SLC15A2: variants seen among roughly 807,000 people sequenced by gnomAD.
SLC15A2 encodes kidney H(+)/peptide cotransporter.
Under a neutral mutation model 95.5 loss-of-function variants are expected in SLC15A2, and 77 were observed. That is an observed-to-expected ratio of 0.81 (90% CI 0.67 to 0.97). SLC15A2 has a LOEUF of 0.97. Ranked by LOEUF, SLC15A2 falls within the 50% of genes least tolerant of loss-of-function variation. SLC15A2 has a pLI of 0.00. For synonymous variants in SLC15A2, 306 were observed against 306.9 expected (o/e 1.00, Z 0.03); for missense variants, 893 against 874.4 (o/e 1.02, Z -0.27).
chr3:121,938,367 G>A (rs867727376), intron 19 of SLC15A2, among the ~76,000 whole-genome samples: 307 of 152,296 alleles, frequency 2.0e-3, no homozygotes, highest in Middle Eastern at 6.8e-3. Context: ...CCCCAGCCTC[G>A]CTGCCACCTT....
In SLC15A2 at chr3:121,927,750, C is replaced by T. The variant is rs757539271; in HGVS notation, c.1125-8C>T. 4.4e-6 allele frequency: 7 copies of T among 1,608,442 alleles called. No individual in the cohort carries two copies. Among genetic ancestry groups the T allele is most frequent in the Non-Finnish European group, 4.3e-6 (5 of 1,174,940 alleles). ...TTTAGATATAATTGTTTCTCCTTTC[C>T]ACCACAGATCACTTAGGAAAATGGC... On this transcript the variant is annotated splice_region_variant and splice_polypyrimidine_tract_variant and intron_variant, in intron 13 of 21. Transcript: ENST00000489711.
chr3:121,925,232 G>C (rs991839156), intron 13 of SLC15A2, among the ~76,000 whole-genome samples, 199 bp downstream of exon 13: 1 of 148,560 alleles, frequency 6.7e-6, no homozygotes, highest in Non-Finnish European at 1.5e-5. Flanking sequence ...GAGAGTCAAA[G>C]CCATTACTGT....
At chr3:121,934,443 C>CA (rs1391152118) in intron 19 of SLC15A2, among the ~76,000 whole-genome samples, 2 of 152,042 alleles carry the variant, frequency 1.3e-5, no homozygotes, top group Non-Finnish European at 2.9e-5. Flanking sequence ...TTTCCTTGAG[C>CA]AGTGGATTGT....
At chr3:121,904,362 C>A (rs1366733415) in intron 3 of SLC15A2, among the ~76,000 whole-genome samples, 1 of 152,142 alleles carries the variant, frequency 6.6e-6, no homozygotes, top group Non-Finnish European at 1.5e-5. Context: ...TGCCTAATTG[C>A]CCTGGCCAGA....
chr3:121,934,685 G>A (rs1436144500), intron 19 of SLC15A2, among the ~76,000 whole-genome samples: 1 of 152,166 alleles, frequency 6.6e-6, no homozygotes, highest in Non-Finnish European at 1.5e-5. Flanking sequence ...GGGTTTTCTA[G>A]ATATACAATC....
rs1710414185 is a variant in SLC15A2, at chr3:121,939,304, C to T, written c.1762-45C>T. The T allele has an allele frequency of 9.3e-6, 13 of 1,399,038 alleles. No individual in the cohort carries two copies. The East Asian group carries it at 3.5e-4, about 37-fold the overall frequency. The allele number at this position is 1,399,038 out of a possible 1,614,324, so 86.7% of individuals were successfully genotyped here. A position where few individuals can be genotyped will look rare whatever the true frequency, so the allele number is the denominator to read the frequency against. On this transcript the variant is annotated intron_variant, in intron 19 of 21. Coordinates refer to ENST00000489711, the MANE Select transcript of SLC15A2 (RefSeq NM_021082.4). The stretch of plus-strand genomic sequence containing the variant: ...AGAATGCTGTAGTTAGAAATATTTA[C>T]TTGAGACTACTGACAAGTCCATTTC...
intron 1 of SLC15A2, among the ~76,000 whole-genome samples, chr3:121,895,087 C>T (rs1490717616): frequency 1.3e-5 from 2 of 152,174 alleles, no homozygotes; most frequent in African/African-American, 2.4e-5. Flanking sequence ...TTTATATACT[C>T]GCTAAAGCAC....
In SLC15A2 at chr3:121,924,213, G is replaced by A. The variant is rs920223248; in HGVS notation, c.1003-138G>A. ...CCCAAATAATCTTAACAGCAAAATA[G>A]TGGCCCTGAACCAAAGACCTGATGA... On this transcript the variant is annotated intron_variant, in intron 11 of 21. Transcript: ENST00000489711. 7.2e-6 allele frequency: 5 copies of A among 698,652 alleles called. No individual in the cohort carries two copies. In the African/African-American group the frequency reaches 8.9e-5, roughly 12 times the overall value. 43.3% of individuals were successfully genotyped at this position (698,652 alleles called of 1,614,324 possible). A position where few individuals can be genotyped will look rare whatever the true frequency, so the allele number is the denominator to read the frequency against.
intron 7 of SLC15A2, among the ~76,000 whole-genome samples, chr3:121,917,882 T>G (rs1304995860): frequency 6.6e-6 from 1 of 152,066 alleles, no homozygotes; most frequent in Non-Finnish European, 1.5e-5. Context: ...CATGACATGT[T>G]TAAAGGTTTT....
intron 3 of SLC15A2, among the ~76,000 whole-genome samples, chr3:121,902,745 A>C (rs1709544604): frequency 6.6e-6 from 1 of 152,160 alleles, no homozygotes; most frequent in African/African-American, 2.4e-5. Context: ...ACATTTTCTT[A>C]ATCCAGTCTA....
Position 121,935,528 on chromosome 3 carries a change from C to T in SLC15A2, c.1761+3793C>T, listed in dbSNP as rs1710324397. Reference sequence around the variant, plus strand: ...GTGTCCAGGAATTTATCCATTTCTTCTAGACTTTCTAGTTTATTTGTGTAG... The same window carrying T: ...GTGTCCAGGAATTTATCCATTTCTTTTAGACTTTCTAGTTTATTTGTGTAG... On this transcript the variant is annotated intron_variant, in intron 19 of 21. Coordinates refer to ENST00000489711, the MANE Select transcript of SLC15A2 (RefSeq NM_021082.4). Among the ~76,000 whole-genome samples the T allele has an allele frequency of 3.3e-5, 5 of 152,144 alleles. No homozygotes were observed. The South Asian group carries it at 1.0e-3, about 32-fold the overall frequency.
intron 5 of SLC15A2, 55 bp downstream of exon 5, chr3:121,913,175 G>T (rs993471443): frequency 2.2e-6 from 3 of 1,345,778 alleles, no homozygotes; most frequent in African/African-American, 2.9e-5. Context: ...ATTAATGGGG[G>T]TATCTGGCAG....
chr3:121,904,302 A>T (rs576109182), intron 3 of SLC15A2, among the ~76,000 whole-genome samples: 4 of 152,282 alleles, frequency 2.6e-5, no homozygotes, highest in Admixed American at 2.6e-4. Context: ...GCAAACAGGG[A>T]CATTTTGACT....
intron 3 of SLC15A2, among the ~76,000 whole-genome samples, chr3:121,909,606 GGTTTTTGTTTGTTTGTT>G (rs1387810395): frequency 6.6e-6 from 1 of 151,606 alleles, no homozygotes; most frequent in Non-Finnish European, 1.5e-5. Context: ...TTTCCTATGA[GGTTTTTGTTTGTTTGTT>G]GTTTTTGTTT....
At chr3:121,894,690 C>T in intron 1 of SLC15A2, 109 bp downstream of exon 1, 1 of 683,626 alleles carries the variant, frequency 1.5e-6, no homozygotes, top group Admixed American at 2.8e-5. Flanking sequence ...TATTAAAATG[C>T]TTCTCTCTTG....
intron 2 of SLC15A2, 99 bp from the exon 3 acceptor site, chr3:121,897,289 C>A: frequency 6.9e-7 from 1 of 1,457,246 alleles, no homozygotes; most frequent in Non-Finnish European, 9.3e-7. Flanking sequence ...GCCAAAATCA[C>A]ATTATAAAGA....
chr3:121,894,508 A>T lies in SLC15A2; in HGVS notation c.32A>T (p.Glu11Val). 1.2e-6 allele frequency: 2 copies of T among 1,613,540 alleles called. No individual in the cohort carries two copies. Among genetic ancestry groups the T allele is most frequent in the Non-Finnish European group, 1.7e-6 (2 of 1,179,708 alleles). ...CCTTTCCAGAAAAATGAGTCCAAGG[A>T]AACTCTTTTTTCACCTGTCTCCATT... MNPFQKNESK[E>V]TLFSPVSIEE... Residue 11 changes from glutamate (E) to valine (V), a missense_variant, in exon 1 of 22, where the codon GAA (glutamate) becomes GTA (valine). By Grantham distance (121) the Glu-to-Val change is moderately radical. Transcript: ENST00000489711.
intron 17 of SLC15A2, among the ~76,000 whole-genome samples, chr3:121,930,111 T>A (rs1710201945): frequency 6.6e-6 from 1 of 152,222 alleles, no homozygotes; most frequent in Non-Finnish European, 1.5e-5. Context: ...AGAAGGGGCA[T>A]TTTCTAGGTC....
At chr3:121,913,685 C>T (rs2107585474) in intron 5 of SLC15A2, among the ~76,000 whole-genome samples, 1 of 152,272 alleles carries the variant, frequency 6.6e-6, no homozygotes, top group East Asian at 1.9e-4. Context: ...AGATGAATTT[C>T]CCTGACTGAT....
Sources: allele counts gnomAD v4.1 joint callset (sites outside exome capture counted in the v4.1 genomes callset), GRCh38; gene constraint gnomAD v4.1.1; transcripts MANE v1.5; gene names NCBI Gene and HGNC (gene_info 2026-07-23, HGNC 2026-07-21).